The following FGGY variants were observed in gnomAD, a reference collection of about 807,000 sequenced individuals.
FGGY encodes the protein FGGY carbohydrate kinase domain-containing protein.
FGGY carries 72 observed loss-of-function variants against 71.3 expected under a neutral mutation model. The observed-to-expected ratio is 1.01, with a 90% CI of 0.84 to 1.23. FGGY has a LOEUF of 1.23. Among genes scored for constraint, FGGY ranks in the 50% most tolerant of loss-of-function variants. FGGY has a pLI of 0.00. For missense variants in FGGY, 668 were observed against 682.3 expected (o/e 0.98, Z 0.23); for synonymous variants, 251 against 250.3 (o/e 1.00, Z -0.02).
intron 14 of FGGY, among the ~76,000 whole-genome samples, chr1:59,681,940 A>G (rs1020321288): frequency 2.0e-5 from 3 of 152,214 alleles, no homozygotes; most frequent in African/African-American, 7.2e-5. Flanking sequence ...AGAAAACAAA[A>G]GAAATCATAA....
At chr1:59,387,229 AT>A (rs2060177075) in intron 5 of FGGY, among the ~76,000 whole-genome samples, 2 of 151,638 alleles carry the variant, frequency 1.3e-5, no homozygotes, top group South Asian at 4.2e-4. Flanking sequence ...TATTCTACTG[AT>A]TTTTCTTTTG....
At chr1:59,660,088 C>A in intron 11 of FGGY, 131 bp from the exon 12 acceptor site, 2 of 743,056 alleles carry the variant, frequency 2.7e-6, no homozygotes, top group Non-Finnish European at 2.2e-6. Context: ...ACGTTCCGCT[C>A]ACAAAAAGGG....
rs141487933 is a variant in FGGY, at chr1:59,599,252, T to A, written c.904-8551T>A. On this transcript the variant is annotated intron_variant, in intron 8 of 15. Coordinates refer to ENST00000303721, the MANE Select transcript of FGGY (RefSeq NM_018291.5). ...CCAAGTAGTTGGTACTACAGGCACG[T>A]GCCACCACACCTAGCTAATTTTTGT... 9.3e-3 allele frequency among the ~76,000 whole-genome samples: 1,422 copies of A among 152,198 alleles called. 25 individuals are homozygous for A. The highest frequency in any genetic ancestry group is 0.033 in the African/African-American group (1,371 of 41,546).
At position 59,626,047 on chromosome 1, in the gene FGGY, C is replaced by T; in HGVS notation, c.1071C>T (p.Ala357=). The T allele has an allele frequency of 6.2e-7, 1 of 1,612,898 alleles. No individual in the cohort carries two copies. The highest frequency in any genetic ancestry group is 1.3e-5 in the African/African-American group (1 of 75,012). ...CAGAACTACAAGTAAAGGCCACAGC[C>T]AGGTAACTGCTGTCTCTGTTCCCTC... ...AFPELQVKAT[A]RCQSIYAYLN... is the part of the protein sequence containing the mutation. Residue 357 remains alanine, a splice_region_variant and synonymous_variant, in exon 10 of 16, where the codon GCC becomes GCT. Coordinates refer to ENST00000303721, the MANE Select transcript of FGGY (RefSeq NM_018291.5).
intron 7 of FGGY, among the ~76,000 whole-genome samples, chr1:59,536,500 A>C (rs959964447): frequency 2.6e-5 from 4 of 152,222 alleles, no homozygotes; most frequent in Non-Finnish European, 1.5e-5. Flanking sequence ...TCATCCTGAT[A>C]CCAAAGCCAG....
chr1:59,526,621 G>A (rs937599503), intron 7 of FGGY, among the ~76,000 whole-genome samples: 2 of 152,240 alleles, frequency 1.3e-5, no homozygotes, highest in Admixed American at 1.3e-4. Context: ...AAAACTCCTA[G>A]AAAGTGAAAA....
chr1:59,352,217 T>C (rs538909957), intron 4 of FGGY, among the ~76,000 whole-genome samples: 1 of 152,240 alleles, frequency 6.6e-6, no homozygotes, highest in South Asian at 2.1e-4. Context: ...CATGAAACAT[T>C]GTAGGGTTAA....
intron 5 of FGGY, among the ~76,000 whole-genome samples, chr1:59,426,831 T>G (rs2066452295): frequency 6.6e-6 from 1 of 150,548 alleles, no homozygotes; most frequent in Non-Finnish European, 1.5e-5. Context: ...TGTAGCAATC[T>G]AAGTTGCTTT....
At chr1:59,445,372 T>C (rs1159637146) in intron 5 of FGGY, among the ~76,000 whole-genome samples, 1 of 152,248 alleles carries the variant, frequency 6.6e-6, no homozygotes, top group East Asian at 1.9e-4. Context: ...CTTCTTTTTC[T>C]AGTCTCCTGC....
At chr1:59,458,083 G>A (rs1246924969) in intron 6 of FGGY, among the ~76,000 whole-genome samples, 2 of 152,208 alleles carry the variant, frequency 1.3e-5, no homozygotes, top group African/African-American at 4.8e-5. Flanking sequence ...CTCCCAATGG[G>A]AGGACCTAGA....
At chr1:59,518,796 C>T (rs967662527) in intron 7 of FGGY, among the ~76,000 whole-genome samples, 2 of 152,336 alleles carry the variant, frequency 1.3e-5, no homozygotes, top group East Asian at 3.9e-4. Flanking sequence ...GCTTCCTACA[C>T]AGCCTGCAGA....
chr1:59,589,007 G>C (rs534298690), intron 8 of FGGY, among the ~76,000 whole-genome samples: 1 of 152,276 alleles, frequency 6.6e-6, no homozygotes, highest in South Asian at 2.1e-4. Context: ...ATTGGATAAA[G>C]AGTCAAGACC....
At chr1:59,650,763 T>C (rs2097150216) in intron 11 of FGGY, among the ~76,000 whole-genome samples, 1 of 141,446 alleles carries the variant, frequency 7.1e-6, no homozygotes, top group Non-Finnish European at 1.5e-5. Context: ...AGTTCTGCTC[T>C]GATCTTAGTT....
At chr1:59,610,654 AGACAGTGGGTGCAG>A (rs1219626466) in intron 9 of FGGY, among the ~76,000 whole-genome samples, 3 of 152,204 alleles carry the variant, frequency 2.0e-5, no homozygotes, top group African/African-American at 4.8e-5. Flanking sequence ...GGGGCTTGTC[AGACAGTGGGTGCAG>A]GACAGTGGGT....
intron 12 of FGGY, among the ~76,000 whole-genome samples, chr1:59,663,677 A>G (rs1262059207): frequency 6.6e-6 from 1 of 152,058 alleles, no homozygotes; most frequent in Non-Finnish European, 1.5e-5. Context: ...TAAGACAGAG[A>G]TTTTTTTCAA....
chr1:59,544,691 C>T (rs1312522274), intron 7 of FGGY, among the ~76,000 whole-genome samples: 1 of 152,140 alleles, frequency 6.6e-6, no homozygotes, highest in Non-Finnish European at 1.5e-5. Context: ...TTCCACCTTA[C>T]AAGTGAGAAA....
chr1:59,363,749 A>T (rs905300503), intron 4 of FGGY, among the ~76,000 whole-genome samples: 2 of 152,250 alleles, frequency 1.3e-5, no homozygotes, highest in African/African-American at 4.8e-5. Context: ...GCCAGGAATC[A>T]TCACAAAGGA....
chr1:59,470,275 A>AT (rs2092873946), intron 6 of FGGY, among the ~76,000 whole-genome samples: 1 of 152,090 alleles, frequency 6.6e-6, no homozygotes, highest in African/African-American at 2.4e-5. Flanking sequence ...AGCATCTGTT[A>AT]TTTTTTGACT....
At chr1:59,488,813 A>G (rs1238215605) in intron 6 of FGGY, among the ~76,000 whole-genome samples, 2 of 151,912 alleles carry the variant, frequency 1.3e-5, no homozygotes, top group East Asian at 1.9e-4. Context: ...GATGGATTCC[A>G]GTAATGGATT....
Sources: gnomAD v4.1 joint callset for allele counts (sites outside exome capture counted in the v4.1 genomes callset) on GRCh38, gnomAD v4.1.1 for gene constraint, MANE v1.5 for transcripts, NCBI Gene and HGNC (gene_info 2026-07-23, HGNC 2026-07-21) for gene names.